Variants in PEAK1 observed in about 807,000 individuals in gnomAD.
PEAK1 encodes inactive tyrosine-protein kinase PEAK1.
A neutral mutation model predicts 124.7 loss-of-function variants in PEAK1; 54 were observed. That is an observed-to-expected ratio of 0.43 (90% confidence interval 0.35 to 0.54). The LOEUF is 0.54. Ranked by LOEUF, PEAK1 falls within the 20% of genes least tolerant of loss-of-function variation. PEAK1 has a pLI of 0.01. For missense variants in PEAK1, 2,046 were observed against 2,134.5 expected, an observed-to-expected ratio of 0.96 and a Z score of 0.82; for synonymous variants, 719 against 760.0, an observed-to-expected ratio of 0.95 and a Z score of 0.89.
chr15:77,125,494 G>A (rs182986799), intron 9 of PEAK1, among the ~76,000 whole-genome samples: 1 of 151,864 alleles, frequency 6.6e-6, no homozygotes, highest in African/African-American at 2.4e-5. Flanking sequence ...GTGTGTGTGT[G>A]TGTATGTGTG....
At chr15:77,352,808 T>C (rs1173525514) in intron 2 of PEAK1, 1 of 984,626 alleles carries the variant, frequency 1.0e-6, no homozygotes, top group East Asian at 1.1e-4. Context: ...CAAAGCAATT[T>C]GAAGATAGAT....
chr15:77,115,398 G>A (rs2051274290), intron 9 of PEAK1, 79 bp from the exon 10 acceptor site: 2 of 1,339,758 alleles, frequency 1.5e-6, no homozygotes, highest in Non-Finnish European at 2.1e-6. Flanking sequence ...TAACTGGAAG[G>A]TGACTGGTTA....
chr15:77,252,045 C>T (rs375195202), intron 6 of PEAK1, among the ~76,000 whole-genome samples: 19 of 152,342 alleles, frequency 1.2e-4, no homozygotes, highest in African/African-American at 4.3e-4. Context: ...TTCTTGCCTT[C>T]GCAAAGCCAA....
chr15:77,307,454 G>A (rs1441013374), intron 2 of PEAK1, among the ~76,000 whole-genome samples: 2 of 152,084 alleles, frequency 1.3e-5, no homozygotes, highest in African/African-American at 2.4e-5. Flanking sequence ...GTAATCAATC[G>A]ATAGATACAA....
At chr15:77,153,223 T>G (rs1216276181) in intron 8 of PEAK1, among the ~76,000 whole-genome samples, 1 of 152,168 alleles carries the variant, frequency 6.6e-6, no homozygotes, top group Non-Finnish European at 1.5e-5. Flanking sequence ...CTTGGATGGG[T>G]GTATGTGTCG....
chr15:77,228,888 G>A (rs889940462), intron 6 of PEAK1, among the ~76,000 whole-genome samples: 1 of 152,070 alleles, frequency 6.6e-6, no homozygotes, highest in Non-Finnish European at 1.5e-5. Context: ...CTGGTTTCAG[G>A]TCCTTCATTT....
At chr15:77,355,934 G>T (rs2067490985) in intron 2 of PEAK1, 2 of 985,336 alleles carry the variant, frequency 2.0e-6, no homozygotes, top group Non-Finnish European at 2.4e-6. Flanking sequence ...TGTGTGGAAT[G>T]GTGGCTTAGG....
At chr15:77,375,734 G>A (rs558256845) in intron 1 of PEAK1, among the ~76,000 whole-genome samples, 39 of 152,252 alleles carry the variant, frequency 2.6e-4, no homozygotes, top group East Asian at 5.8e-4. Context: ...GGTGGCTCAC[G>A]CCTGTAATCC....
chr15:77,333,494 C>G (rs2066014406), intron 2 of PEAK1: 2 of 882,312 alleles, frequency 2.3e-6, no homozygotes, highest in African/African-American at 1.8e-5. Context: ...TTTTCTTAAA[C>G]ATTAAAAATA....
intron 2 of PEAK1, chr15:77,353,065 T>C: frequency 1.1e-6 from 1 of 889,834 alleles, no homozygotes; most frequent in Non-Finnish European, 1.3e-6. Context: ...CCAATTTCCA[T>C]CCAGCTGCAA....
At chr15:77,184,723 CCTGTCT>C (rs909911737) in intron 6 of PEAK1, among the ~76,000 whole-genome samples, 1 of 152,110 alleles carries the variant, frequency 6.6e-6, no homozygotes, top group Non-Finnish European at 1.5e-5. Context: ...ATGGTGAAAT[CCTGTCT>C]CTACCAAAAA....
chr15:77,166,259 T>C (rs760512236), intron 7 of PEAK1, among the ~76,000 whole-genome samples: 4 of 152,232 alleles, frequency 2.6e-5, no homozygotes, highest in Non-Finnish European at 4.4e-5. Context: ...ATTTACCGAA[T>C]GCTAGGCACT....
chr15:77,321,267 G>A lies in PEAK1; in HGVS notation c.-602-34763C>T, dbSNP rs574733391. On this transcript the variant is annotated intron_variant, in intron 2 of 9. Transcript: ENST00000682557. ...TCCACAATGGTTGAACTAGTTTACAGTCCCACCAACAGTGTAAAAGTGTTC... is the reference window on the plus strand; with the variant it reads ...TCCACAATGGTTGAACTAGTTTACAATCCCACCAACAGTGTAAAAGTGTTC... 6.9e-4 allele frequency among the ~76,000 whole-genome samples: 105 copies of A among 152,306 alleles called. 1 individual carries two copies. The highest frequency in any genetic ancestry group is 1.3e-3 in the Non-Finnish European group (90 of 68,018).
intron 6 of PEAK1, among the ~76,000 whole-genome samples, chr15:77,215,744 C>G (rs1191305868): frequency 6.6e-6 from 1 of 152,018 alleles, no homozygotes; most frequent in Non-Finnish European, 1.5e-5. Flanking sequence ...TTATCTTTTT[C>G]TTTTTTTGAG....
chr15:77,319,134 C>G (rs954503127), intron 2 of PEAK1, among the ~76,000 whole-genome samples: 2 of 152,058 alleles, frequency 1.3e-5, no homozygotes, highest in Non-Finnish European at 2.9e-5. Context: ...GATCTAATGT[C>G]CTACTAGCTC....
At chr15:77,105,651 A>G (rs1202573583), downstream of PEAK1, 1 of 152,290 alleles carries the variant, frequency 6.6e-6, no homozygotes, top group Non-Finnish European at 1.5e-5. Context: ...CTCACTTATA[A>G]GGAAGCATAA....
rs1210776014 is a variant in PEAK1 at position 77,180,346 on chromosome 15, A to C, written c.1581T>G (p.Ser527Arg). 1 of 1,614,066 alleles carries C rather than the reference A, an allele frequency of 6.2e-7. No homozygotes were observed. Among genetic ancestry groups the C allele is most frequent in the African/African-American group, 1.3e-5 (1 of 75,000 alleles). ...TCCATACTTCTTGGTATCGAATTGC[A>C]CTGGATTTTTGGAAATGGGCACTTA... The part of the protein sequence containing the change: ...GQISAHFQKS[S>R]AIRYQEVWTS... Residue 527 changes from serine to arginine, a missense_variant, in exon 7 of 10, where the codon AGT becomes AGG. Coordinates refer to ENST00000682557, the MANE Select transcript of PEAK1 (RefSeq NM_001385026.1).
chr15:77,323,218 G>A (rs2065347142), intron 2 of PEAK1, among the ~76,000 whole-genome samples: 1 of 152,126 alleles, frequency 6.6e-6, no homozygotes, highest in Admixed American at 6.5e-5. Flanking sequence ...TTTGAAAACT[G>A]GCACAAGACA....
At chr15:77,270,591 AAGG>A (rs1260890441) in intron 5 of PEAK1, among the ~76,000 whole-genome samples, 3 of 152,204 alleles carry the variant, frequency 2.0e-5, no homozygotes, top group Non-Finnish European at 4.4e-5. Context: ...GGACCTTTTC[AAGG>A]AGAACTACAA....
Sources: allele counts gnomAD v4.1 joint callset (sites outside exome capture counted in the v4.1 genomes callset), GRCh38; gene constraint gnomAD v4.1.1; transcripts MANE v1.5; gene names NCBI Gene and HGNC (gene_info 2026-07-23, HGNC 2026-07-21).